RBFOX1: variants seen among roughly 807,000 people sequenced by gnomAD.
RBFOX1 encodes RNA binding fox-1 homolog 1.
Under a neutral mutation model 57.7 loss-of-function variants are expected in RBFOX1, and 8 were observed. The ratio of observed to expected loss-of-function variants is 0.14; its 90% CI spans 0.08 to 0.25. The LOEUF (loss-of-function observed/expected upper bound fraction) is 0.25. Ranked by LOEUF, RBFOX1 falls within the 10% of genes least tolerant of loss-of-function variation. The pLI, the probability that RBFOX1 is intolerant of heterozygous loss-of-function variation, is 1.00. For synonymous variants in RBFOX1, 326 were observed against 222.4 expected (o/e 1.47, Z -4.15); for missense variants, 611 against 548.5 (o/e 1.11, Z -1.14).
At chr16:6,176,246 A>C (rs1261671805) in intron 1 of RBFOX1, among the ~76,000 whole-genome samples, 1 of 151,504 alleles carries the variant, frequency 6.6e-6, no homozygotes, top group Non-Finnish European at 1.5e-5. Flanking sequence ...CCCCAGTTCA[A>C]GTAATTCTCC....
intron 3 of RBFOX1, among the ~76,000 whole-genome samples, chr16:6,964,030 T>G (rs2083562967): frequency 1.3e-5 from 2 of 151,220 alleles, no homozygotes; most frequent in Non-Finnish European, 2.9e-5. Context: ...TTTTATTTTC[T>G]TTTTTCAACA....
rs143159969 is a variant in RBFOX1, at chr16:7,370,740, C to G, written c.28-147407C>G. 3.3e-5 allele frequency among the ~76,000 whole-genome samples: 5 copies of G among 152,258 alleles called. No homozygotes were observed. In the East Asian group the frequency reaches 9.6e-4, roughly 29 times the overall value. Reference sequence around the variant, plus strand: ...TGGCCAGTTTTCCTGTTTAGGTACCCGAGGTTTTGGAATGTGAGTGCTTTC... The same window carrying G: ...TGGCCAGTTTTCCTGTTTAGGTACCGGAGGTTTTGGAATGTGAGTGCTTTC... On this transcript the variant is annotated intron_variant, in intron 4 of 15. Transcript: ENST00000550418.
chr16:5,296,504 C>G (rs963178097), intron 1 of RBFOX1, among the ~76,000 whole-genome samples: 2 of 151,686 alleles, frequency 1.3e-5, no homozygotes, highest in Admixed American at 6.6e-5. Context: ...CTGAAAAAGT[C>G]AACGAGACAA....
At chr16:7,411,917 A>T (rs2098431374) in intron 4 of RBFOX1, among the ~76,000 whole-genome samples, 1 of 151,508 alleles carries the variant, frequency 6.6e-6, no homozygotes, top group African/African-American at 2.4e-5. Context: ...AAAAAAAAAA[A>T]AAAAAAAGAT....
chr16:7,365,076 T>C (rs541906789), intron 4 of RBFOX1, among the ~76,000 whole-genome samples: 3 of 152,044 alleles, frequency 2.0e-5, no homozygotes, highest in Admixed American at 6.5e-5. Context: ...CATTCGTCTA[T>C]CTATCTATCT....
chr16:6,922,402 G>T (rs1209043855), intron 3 of RBFOX1, among the ~76,000 whole-genome samples: 1 of 152,202 alleles, frequency 6.6e-6, no homozygotes, highest in Admixed American at 6.5e-5. Flanking sequence ...CACAGCAGTG[G>T]CTGCTGGTTT....
chr16:7,504,771 T>TTTTATATATA (rs2072541790), intron 4 of RBFOX1, among the ~76,000 whole-genome samples: 1 of 49,848 alleles, frequency 2.0e-5, no homozygotes, highest in African/African-American at 1.7e-4. Flanking sequence ...ATATATATAT[T>TTTTATATATA]TATATATATA....
chr16:6,470,820 T>C (rs1291315991), intron 2 of RBFOX1, among the ~76,000 whole-genome samples: 1 of 152,064 alleles, frequency 6.6e-6, no homozygotes, highest in Non-Finnish European at 1.5e-5. Context: ...CAGTTATACA[T>C]GTCTTCTAGT....
At chr16:5,651,145 T>G (rs908357771) in intron 3 of RBFOX1, among the ~76,000 whole-genome samples, 4 of 142,382 alleles carry the variant, frequency 2.8e-5, no homozygotes, top group Non-Finnish European at 4.5e-5. Flanking sequence ...CTCTGCCTCC[T>G]GGGTTCAAGC....
At chr16:7,249,719 T>C (rs903677405) in intron 4 of RBFOX1, among the ~76,000 whole-genome samples, 2 of 152,184 alleles carry the variant, frequency 1.3e-5, no homozygotes, top group Non-Finnish European at 2.9e-5. Flanking sequence ...TGCTGAGCTT[T>C]TTCTTGTGCT....
chr16:5,885,504 AG>A (rs1483249926), intron 4 of RBFOX1, among the ~76,000 whole-genome samples: 2 of 152,138 alleles, frequency 1.3e-5, no homozygotes, highest in African/African-American at 4.8e-5. Context: ...ATGGAGTCAG[AG>A]GGTTCACAGA....
At position 6,417,094 on chromosome 16, in the gene RBFOX1, C is replaced by T. The variant is rs1482106141; in HGVS notation, c.-64+100037C>T. Among the ~76,000 whole-genome samples, 4 of 152,160 alleles carry T rather than the reference C, an allele frequency of 2.6e-5. No homozygotes were observed. The East Asian group carries it at 5.8e-4, about 22-fold the overall frequency. On this transcript the variant is annotated intron_variant, in intron 2 of 15. Coordinates refer to ENST00000550418, the MANE Select transcript of RBFOX1 (RefSeq NM_018723.4). The stretch of plus-strand genomic sequence containing the variant: ...TGGTGCAGTCTTGGCTCACTGCATC[C>T]TCTGCCTCCCGGGTTCAAGCGATTC...
intron 4 of RBFOX1, chr16:7,126,352 GT>G: frequency 2.3e-4 from 61 of 262,076 alleles, no homozygotes; most frequent in South Asian, 7.1e-4. Flanking sequence ...CGAGGTGGGG[GT>G]TTTTGGTCCC....
rs1568312132 is a variant in RBFOX1 at position 7,001,418 on chromosome 16, G to GTATATGTATATC, written c.-15-50628_-15-50627insCTATATGTATAT. Among the ~76,000 whole-genome samples the GTATATGTATATC allele has an allele frequency of 4.3e-4, 59 of 137,138 alleles. 1 individual carries two copies. Among genetic ancestry groups the GTATATGTATATC allele is most frequent in the African/African-American group, 1.5e-3 (58 of 37,600 alleles). 90.0% of individuals were successfully genotyped at this position (137,138 alleles called of 152,430 possible). On this transcript the variant is annotated intron_variant, in intron 3 of 15. Transcript: ENST00000550418. ...TGTATTTGTATATGTATATGTATAT[G>GTATATGTATATC]TATATGTATATGTATATGTATATGT...
At chr16:6,740,905 AGTT>A (rs2071868683) in intron 3 of RBFOX1, among the ~76,000 whole-genome samples, 1 of 152,220 alleles carries the variant, frequency 6.6e-6, no homozygotes, top group South Asian at 2.1e-4. Context: ...AAGAAACTAG[AGTT>A]GTTAACACAA....
chr16:6,929,638 T>C (rs529986333), intron 3 of RBFOX1, among the ~76,000 whole-genome samples: 4 of 152,310 alleles, frequency 2.6e-5, no homozygotes, highest in African/African-American at 7.2e-5. Flanking sequence ...TTTTCTCACC[T>C]TTAGGGATTC....
At chr16:6,147,730 C>A (rs1162219985) in intron 1 of RBFOX1, among the ~76,000 whole-genome samples, 1 of 152,218 alleles carries the variant, frequency 6.6e-6, no homozygotes, top group Admixed American at 6.5e-5. Flanking sequence ...CCTCCCCAGT[C>A]CTCGCACCAA....
intron 4 of RBFOX1, among the ~76,000 whole-genome samples, chr16:5,958,999 G>A (rs2059699695): frequency 1.3e-5 from 2 of 152,284 alleles, no homozygotes; most frequent in South Asian, 4.1e-4. Flanking sequence ...AAGTTCCAGG[G>A]ATTAGGATGT....
chr16:6,014,099 A>G (rs1211018816), upstream of RBFOX1, among the ~76,000 whole-genome samples: 1 of 152,184 alleles, frequency 6.6e-6, no homozygotes, highest in Non-Finnish European at 1.5e-5. Flanking sequence ...GTACCCTAAA[A>G]CTTAAAGTAT....
Sources: gnomAD v4.1 joint callset for allele counts (sites outside exome capture counted in the v4.1 genomes callset) on GRCh38, gnomAD v4.1.1 for gene constraint, MANE v1.5 for transcripts, NCBI Gene and HGNC (gene_info 2026-07-23, HGNC 2026-07-21) for gene names.